ZNF362: variants seen among roughly 807,000 people sequenced by gnomAD.
ZNF362 encodes zinc finger protein 362.
ZNF362 carries 11 observed loss-of-function variants against 42.9 expected under a neutral mutation model. The ratio of observed to expected loss-of-function variants is 0.26; its 90% CI spans 0.16 to 0.42. The LOEUF (loss-of-function observed/expected upper bound fraction) is 0.42. ZNF362 is among the 20% of genes least tolerant of loss of function. The pLI, the probability that ZNF362 is intolerant of heterozygous loss-of-function variation, is 1.00. For synonymous variants in ZNF362, 255 were observed against 257.3 expected (o/e 0.99, Z 0.09); for missense variants, 362 against 576.2 (o/e 0.63, Z 3.81).
the ZNF362 span, chr1:33,181,626 C>T: frequency 2.9e-6 from 3 of 1,027,952 alleles, no homozygotes; most frequent in Non-Finnish European, 4.0e-6. The surrounding 1 kb of genome is among the most constrained non-coding windows in gnomAD (Gnocchi z 6.5). Flanking sequence ...GGCTGAGACT[C>T]CGTGGGACGC....
chr1:33,198,332 G>T, the ZNF362 span, among the ~76,000 whole-genome samples: 1 of 152,038 alleles, frequency 6.6e-6, no homozygotes, highest in Non-Finnish European at 1.5e-5. Flanking sequence ...ACAGTGAGAT[G>T]CTATCTCTAT....
At chr1:33,157,200 C>T in the ZNF362 span, among the ~76,000 whole-genome samples, 456 of 152,308 alleles carry the variant, frequency 3.0e-3, no homozygotes, top group Non-Finnish European at 5.1e-3. Context: ...GCCACTGCTA[C>T]CTTCTCAGTC....
chr1:33,198,223 T>A, the ZNF362 span, among the ~76,000 whole-genome samples: 5 of 152,110 alleles, frequency 3.3e-5, no homozygotes, highest in African/African-American at 1.2e-4. Flanking sequence ...AAGAGAAAAG[T>A]CGGCCAAGTG....
chr1:33,294,797 C>T lies in ZNF362; in HGVS notation c.909-140C>T. 1 of 863,318 alleles carries T rather than the reference C, an allele frequency of 1.2e-6. No individual in the cohort carries two copies. The highest frequency in any genetic ancestry group is 2.3e-5 in the Admixed American group (1 of 42,628). The allele number at this position is 863,318 out of a possible 1,614,324, so 53.5% of individuals were successfully genotyped here. ...TGGCCGTTGAAGTCCCCAGCTCTTG[C>T]CTGGGCTCACTCTTGGTCCTTGGGG... On this transcript the variant is annotated intron_variant, in intron 6 of 8. Coordinates refer to ENST00000539719, the MANE Select transcript of ZNF362 (RefSeq NM_152493.3). This position sits in a 1 kb window ranked among gnomAD's most constrained non-coding sequence, Gnocchi z 4.2.
the ZNF362 span, among the ~76,000 whole-genome samples, chr1:33,244,056 G>A: frequency 1.3e-5 from 2 of 152,178 alleles, no homozygotes; most frequent in African/African-American, 4.8e-5. This position sits in a 1 kb window ranked among gnomAD's most constrained non-coding sequence, Gnocchi z 4.0. Context: ...GGGGGAAGCA[G>A]GATTGAGGTT....
upstream of ZNF362, among the ~76,000 whole-genome samples, chr1:33,253,727 T>C (rs181250730): frequency 8.5e-5 from 13 of 152,282 alleles, no homozygotes; most frequent in Admixed American, 7.8e-4. Context: ...AGAATGATGA[T>C]GATAATGATG....
At chr1:33,238,728 G>A in the ZNF362 span, among the ~76,000 whole-genome samples, 1 of 152,040 alleles carries the variant, frequency 6.6e-6, no homozygotes, top group Non-Finnish European at 1.5e-5. Context: ...CATAAGGGTG[G>A]GGTCCTAATC....
chr1:33,239,472 G>T, the ZNF362 span, among the ~76,000 whole-genome samples: 1 of 152,208 alleles, frequency 6.6e-6, no homozygotes, highest in Non-Finnish European at 1.5e-5. Context: ...CTGCTATGAA[G>T]AAATACCCGA....
chr1:33,289,664 A>G (rs1030363283), intron 6 of ZNF362, among the ~76,000 whole-genome samples: 3 of 152,186 alleles, frequency 2.0e-5, no homozygotes, highest in Admixed American at 6.5e-5. Context: ...TCTCTTGTCA[A>G]TGATTGACTT....
the ZNF362 span, among the ~76,000 whole-genome samples, chr1:33,135,454 C>T: frequency 2.9e-4 from 44 of 152,218 alleles, no homozygotes; most frequent in Non-Finnish European, 5.6e-4. Context: ...GGCAGTCCCT[C>T]AATAAATTCT....
chr1:33,221,920 G>C, the ZNF362 span, among the ~76,000 whole-genome samples: 1 of 152,246 alleles, frequency 6.6e-6, no homozygotes, highest in Non-Finnish European at 1.5e-5. Context: ...TCCTCCATGG[G>C]TGGAGGATTA....
intron 6 of ZNF362, among the ~76,000 whole-genome samples, chr1:33,288,757 A>AAAAAAAAAAT (rs1418658499): frequency 6.8e-6 from 1 of 147,514 alleles, no homozygotes; most frequent in African/African-American, 2.5e-5. Context: ...AAAAAAAAAA[A>AAAAAAAAAAT]AAAAAGAAGC....
At chr1:33,242,210 G>A in the ZNF362 span, among the ~76,000 whole-genome samples, 1 of 152,182 alleles carries the variant, frequency 6.6e-6, no homozygotes, top group Non-Finnish European at 1.5e-5. Flanking sequence ...GTAAGTCATG[G>A]AGGGGATGGA....
At chr1:33,217,781 C>CACACACACACACACAA in the ZNF362 span, among the ~76,000 whole-genome samples, 1 of 14,828 alleles carries the variant, frequency 6.7e-5, no homozygotes, top group Non-Finnish European at 2.6e-4. Context: ...TCCTTATGTT[C>CACACACACACACACAA]ACACACACAC....
At chr1:33,185,335 C>G in the ZNF362 span, among the ~76,000 whole-genome samples, 2 of 151,964 alleles carry the variant, frequency 1.3e-5, no homozygotes, top group Admixed American at 6.6e-5. Flanking sequence ...AATTCTTGTG[C>G]TTCAGCCTCC....
chr1:33,274,634 C>A (rs974553733), intron 2 of ZNF362, among the ~76,000 whole-genome samples: 2 of 152,190 alleles, frequency 1.3e-5, no homozygotes, highest in African/African-American at 4.8e-5. Context: ...AACTGGCCCT[C>A]AGGCTGGGAG....
chr1:33,281,588 T>C lies in ZNF362; in HGVS notation c.685T>C (p.Cys229Arg). ...ETAKEGKTYRCKVCPLTFFTK... is the reference protein window; with the variant it reads ...ETAKEGKTYRRKVCPLTFFTK... ...GTGAACCTGTCTCTTGCTCCGCAGG[T>C]GTAAGGTATGCCCACTGACCTTTTT... is the stretch of plus-strand genomic sequence containing the variant. The change falls in exon 6 of 9, where the codon TGT becomes CGT. Residue 229 changes from cysteine to arginine, a missense_variant and splice_region_variant. By Grantham distance (180) the Cys-to-Arg change is radical. Around this residue, in one of 3 missense-constraint regions of ZNF362, gnomAD observed 266 missense variants for 365.4 expected, o/e 0.73. Coordinates refer to ENST00000539719, the MANE Select transcript of ZNF362 (RefSeq NM_152493.3). The surrounding 1 kb of genome is among the most constrained non-coding windows in gnomAD (Gnocchi z 4.8). 1 of 1,614,146 alleles carries C rather than the reference T, an allele frequency of 6.2e-7. No homozygotes were observed. The highest frequency in any genetic ancestry group is 8.5e-7 in the Non-Finnish European group (1 of 1,180,012).
At chr1:33,155,590 C>T in the ZNF362 span, among the ~76,000 whole-genome samples, 1 of 152,138 alleles carries the variant, frequency 6.6e-6, no homozygotes, top group African/African-American at 2.4e-5. Context: ...TGGGGCCCGA[C>T]GTTGGGGTTT....
chr1:33,144,103 C>T, the ZNF362 span, among the ~76,000 whole-genome samples: 18 of 151,148 alleles, frequency 1.2e-4, no homozygotes, highest in South Asian at 3.4e-3. Context: ...TACATGCAAA[C>T]GTTGATATAT....
Sources: gnomAD v4.1 joint callset for allele counts (sites outside exome capture counted in the v4.1 genomes callset) on GRCh38, gnomAD v4.1.1 for gene constraint, gnomAD v4.1.1 regional missense constraint, Gnocchi (gnomAD v3.1) non-coding constraint, MANE v1.5 for transcripts, NCBI Gene and HGNC (gene_info 2026-07-23, HGNC 2026-07-21) for gene names.